The following PDZD2 variants were observed in gnomAD, a reference collection of about 807,000 sequenced individuals.
The protein encoded by PDZD2 is PDZ domain-containing protein 2.
Under a neutral mutation model 220.7 loss-of-function variants are expected in PDZD2, and 90 were observed. The ratio of observed to expected loss-of-function variants is 0.41; its 90% confidence interval spans 0.34 to 0.49. The LOEUF (loss-of-function observed/expected upper bound fraction) is 0.49. PDZD2 is among the 20% of genes least tolerant of loss of function. PDZD2 has a pLI of 0.28. For missense variants in PDZD2, 3,174 were observed against 3,608.5 expected, an observed-to-expected ratio of 0.88 and a Z score of 3.08; for synonymous variants, 1,375 against 1,450.5, an observed-to-expected ratio of 0.95 and a Z score of 1.18.
intron 1 of PDZD2, among the ~76,000 whole-genome samples, chr5:31,689,353 A>ATATATATATATATATAT: frequency 5.7e-5 from 2 of 35,142 alleles, no homozygotes; most frequent in African/African-American, 2.1e-4. Context: ...ATATATATAT[A>ATATATATATATATATAT]TTTTTTTTTT....
intron 2 of PDZD2, among the ~76,000 whole-genome samples, chr5:31,925,142 A>C (rs991992792): frequency 2.0e-5 from 3 of 152,232 alleles, no homozygotes; most frequent in African/African-American, 7.2e-5. Flanking sequence ...AATGCCTTTA[A>C]GTGAGGCCAT....
At chr5:31,907,309 A>C (rs1049381176) in intron 2 of PDZD2, among the ~76,000 whole-genome samples, 1 of 152,324 alleles carries the variant, frequency 6.6e-6, no homozygotes, top group South Asian at 2.1e-4. Context: ...CTGTGTCTTC[A>C]CATGGCAGGG....
At chr5:31,880,780 C>CTTTTTTTTTTTT (rs1177280477) in intron 2 of PDZD2, among the ~76,000 whole-genome samples, 1 of 42,766 alleles carries the variant, frequency 2.3e-5, no homozygotes, top group Non-Finnish European at 5.2e-5. Flanking sequence ...AGGTAGCTTT[C>CTTTTTTTTTTTT]TTTTTTTTTT....
At chr5:31,930,238 C>G (rs1745152005) in intron 2 of PDZD2, among the ~76,000 whole-genome samples, 1 of 140,866 alleles carries the variant, frequency 7.1e-6, no homozygotes, top group Non-Finnish European at 1.5e-5. Flanking sequence ...GACAGTCTCG[C>G]TCTGTCGCCC....
intron 1 of PDZD2, among the ~76,000 whole-genome samples, chr5:31,650,845 T>C (rs1482441223): frequency 2.6e-5 from 4 of 152,218 alleles, no homozygotes; most frequent in African/African-American, 9.6e-5. Context: ...CCTCCGCGTT[T>C]CTTCCTAGCT....
At chr5:31,688,547 T>G (rs1746964960) in intron 1 of PDZD2, among the ~76,000 whole-genome samples, 2 of 152,168 alleles carry the variant, frequency 1.3e-5, no homozygotes, top group Non-Finnish European at 2.9e-5. Flanking sequence ...CAACCCATTG[T>G]CCTACGAGGT....
At chr5:31,896,606 G>C (rs1741592618) in intron 2 of PDZD2, among the ~76,000 whole-genome samples, 1 of 152,152 alleles carries the variant, frequency 6.6e-6, no homozygotes. Context: ...TCTCAAACAA[G>C]GGTTTCTGAG....
chr5:31,871,510 G>A (rs1189885604), intron 2 of PDZD2, among the ~76,000 whole-genome samples: 2 of 152,190 alleles, frequency 1.3e-5, no homozygotes, highest in African/African-American at 4.8e-5. Context: ...GGAGTGCGGT[G>A]ACATGATCTC....
chr5:32,089,724 CGTG>C lies in PDZD2; in HGVS notation c.6278_6280del (p.Val2093del), dbSNP rs748840974. 3 of 1,614,154 alleles carry C rather than the reference CGTG, an allele frequency of 1.9e-6. No homozygotes were observed. The highest frequency in any genetic ancestry group is 2.5e-6 in the Non-Finnish European group (3 of 1,180,012). ...TCGAAAGAACAAACCAGCTGAAAAT[CGTG>C]GAGATTTCTGCTGAAGCAGTGTCAG... On this transcript the variant is annotated inframe_deletion, in exon 20 of 25. Coordinates refer to ENST00000438447, the MANE Select transcript of PDZD2 (RefSeq NM_178140.4).
Position 32,091,067 on chromosome 5 carries a change from G to T in PDZD2, c.7619G>T (p.Cys2540Phe). The change falls in exon 20 of 25, where the codon TGT becomes TTT. Residue 2540 changes from cysteine (C) to phenylalanine (F), a missense_variant. This residue lies in a region of PDZD2 where 631 missense variants were observed against 789.9 expected (regional missense o/e 0.80). Transcript: ENST00000438447. ...CCCGAGAAGGGCGGGAACAGGGCCT[G>T]TCCAGGAGGAAGTGGCCCTAAAACC... ...SCPEKGGNRACPGGSGPKTSA... is the reference protein window; with the variant it reads ...SCPEKGGNRAFPGGSGPKTSA... 6.2e-7 allele frequency: 1 copy of T among 1,612,138 alleles called. No homozygotes were observed. Among genetic ancestry groups the T allele is most frequent in the Non-Finnish European group, 8.5e-7 (1 of 1,178,440 alleles).
chr5:31,865,819 G>T (rs1738176321), intron 2 of PDZD2, among the ~76,000 whole-genome samples: 1 of 150,878 alleles, frequency 6.6e-6, no homozygotes, highest in Admixed American at 6.6e-5. Context: ...TTTTAGTAGA[G>T]GCTGGGTTTC....
At position 31,983,712 on chromosome 5, in the gene PDZD2, GT is replaced by G. The variant is rs1750493536; in HGVS notation, c.978+61del. 2.6e-6 allele frequency: 4 copies of G among 1,531,332 alleles called. No homozygotes were observed. In the South Asian group the frequency reaches 3.7e-5, roughly 14 times the overall value. The allele number at this position is 1,531,332 out of a possible 1,614,324, so 94.9% of individuals were successfully genotyped here. A position where few individuals can be genotyped will look rare whatever the true frequency, so the allele number is the denominator to read the frequency against. On this transcript the variant is annotated intron_variant, in intron 3 of 24. Transcript: ENST00000438447. ...TTTTATTTATCGTGTGTGTTTGTTTGTTTTTGCAGCCCAGCCCATGCGGGAA... is the reference window on the plus strand; with the variant it reads ...TTTTATTTATCGTGTGTGTTTGTTTGTTTTGCAGCCCAGCCCATGCGGGAA...
intron 2 of PDZD2, among the ~76,000 whole-genome samples, chr5:31,881,171 G>C (rs186948612): frequency 1.3e-5 from 2 of 151,970 alleles, no homozygotes; most frequent in Non-Finnish European, 2.9e-5. Flanking sequence ...ACTGAAAGCT[G>C]TTCATAAATC....
intron 7 of PDZD2, among the ~76,000 whole-genome samples, chr5:32,046,471 G>A (rs1737975058): frequency 6.6e-6 from 1 of 152,130 alleles, no homozygotes; most frequent in Admixed American, 6.5e-5. Flanking sequence ...TCGAATTCCT[G>A]AGCTCAGGCG....
At chr5:31,917,022 C>T (rs1291555659) in intron 2 of PDZD2, among the ~76,000 whole-genome samples, 1 of 152,142 alleles carries the variant, frequency 6.6e-6, no homozygotes, top group Non-Finnish European at 1.5e-5. Context: ...ACAGGCACTA[C>T]CTCTTAAACA....
intron 24 of PDZD2, chr5:32,107,335 A>G (rs966815200): frequency 4.6e-5 from 7 of 152,314 alleles, no homozygotes; most frequent in African/African-American, 1.7e-4. Flanking sequence ...ATCAGCCAGA[A>G]TCTGTTAACA....
chr5:31,849,889 CACATATATATATAT>C (rs1561506737), intron 2 of PDZD2, among the ~76,000 whole-genome samples: 1 of 17,790 alleles, frequency 5.6e-5, no homozygotes, highest in Non-Finnish European at 8.1e-5. Context: ...TATATATATA[CACATATATATATAT>C]ACATATATAT....
At chr5:31,995,057 C>T (rs1330702734) in intron 3 of PDZD2, among the ~76,000 whole-genome samples, 3 of 152,100 alleles carry the variant, frequency 2.0e-5, no homozygotes, top group Non-Finnish European at 4.4e-5. Flanking sequence ...CTGAGCTTTG[C>T]CTTCCTTTCA....
chr5:31,708,049 A>G (rs1580596378), intron 1 of PDZD2, among the ~76,000 whole-genome samples: 3 of 152,192 alleles, frequency 2.0e-5, no homozygotes, highest in Non-Finnish European at 2.9e-5. Context: ...CCGGGCCCTC[A>G]TTCTCAAGAG....
Sources: allele counts gnomAD v4.1 joint callset (sites outside exome capture counted in the v4.1 genomes callset), GRCh38; gene constraint gnomAD v4.1.1; regional missense constraint gnomAD v4.1.1; transcripts MANE v1.5; gene names NCBI Gene and HGNC (gene_info 2026-07-23, HGNC 2026-07-21).